Variants in SAG observed in about 807,000 individuals in gnomAD.
SAG encodes S-arrestin.
A neutral mutation model predicts 55.0 loss-of-function variants in SAG; 45 were observed. The ratio of observed to expected loss-of-function variants is 0.82; its 90% confidence interval spans 0.64 to 1.05. The LOEUF (loss-of-function observed/expected upper bound fraction) is 1.05, where lower values mean the gene tolerates loss of function less well. SAG is among the 50% of genes least tolerant of loss of function. SAG has a pLI of 0.00. For missense variants in SAG, 455 were observed against 512.1 expected (o/e 0.89, Z 1.08); for synonymous variants, 189 against 197.4 (o/e 0.96, Z 0.36).
chr2:233,310,041 G>T (rs369877084), intron 2 of SAG, among the ~76,000 whole-genome samples: 2 of 152,204 alleles, frequency 1.3e-5, no homozygotes, highest in African/African-American at 4.8e-5. Context: ...AGCTGGGCCC[G>T]CAGGGCCATT....
At chr2:233,336,689 A>C (rs1316604416) in intron 11 of SAG, among the ~76,000 whole-genome samples, 1 of 152,196 alleles carries the variant, frequency 6.6e-6, no homozygotes, top group Non-Finnish European at 1.5e-5. Context: ...TCCACTCCAC[A>C]GCAAATCTCC....
intron 14 of SAG, chr2:233,345,728 TAAATAAG>T (rs1388245466): frequency 6.7e-6 from 1 of 150,230 alleles, no homozygotes; most frequent in Non-Finnish European, 1.5e-5. Flanking sequence ...CTCAAATAAA[TAAATAAG>T]AAAGGAGAAG....
At chr2:233,346,612 G>A (rs538621676) in intron 15 of SAG, among the ~76,000 whole-genome samples, 195 bp from the exon 16 acceptor site, 5 of 152,288 alleles carry the variant, frequency 3.3e-5, no homozygotes, top group African/African-American at 7.2e-5. Flanking sequence ...CTCACTCTGC[G>A]CGTGCCTTTG....
At chr2:233,314,340 G>A (rs1237858771) in intron 2 of SAG, among the ~76,000 whole-genome samples, 1 of 152,042 alleles carries the variant, frequency 6.6e-6, no homozygotes, top group Non-Finnish European at 1.5e-5. Flanking sequence ...TCAGAACCCC[G>A]AGGCCCTCAG....
In SAG at chr2:233,319,852, G is replaced by T; in HGVS notation, c.182-778G>T. 4.1e-6 allele frequency: 4 copies of T among 985,788 alleles called. No homozygotes were observed. The highest frequency in any genetic ancestry group is 4.8e-6 in the Non-Finnish European group (4 of 829,942). The allele number at this position is 985,788 out of a possible 1,614,324, so 61.1% of individuals were successfully genotyped here. ...CCACTGTTTCTTCTGAGTCAGCAGC[G>T]AAGGGCAGTTACCTTTGGGGCTTGC... On this transcript the variant is annotated intron_variant, in intron 4 of 15. Transcript: ENST00000409110. This position sits in a 1 kb window ranked among gnomAD's most constrained non-coding sequence, Gnocchi z 4.4.
At chr2:233,337,580 G>A (rs934410161) in intron 11 of SAG, among the ~76,000 whole-genome samples, 1 of 152,094 alleles carries the variant, frequency 6.6e-6, no homozygotes, top group African/African-American at 2.4e-5. Flanking sequence ...CCAGTGAGCT[G>A]AAGGAGCTCT....
intron 10 of SAG, 92 bp from the exon 11 acceptor site, chr2:233,334,870 G>T: frequency 6.7e-7 from 1 of 1,492,466 alleles, no homozygotes; most frequent in Non-Finnish European, 9.3e-7. Context: ...CAGGGGATGT[G>T]GATCCTGGAA....
intron 13 of SAG, among the ~76,000 whole-genome samples, chr2:233,341,067 G>A (rs1280748433): frequency 6.6e-6 from 1 of 152,136 alleles, no homozygotes; most frequent in Non-Finnish European, 1.5e-5. Flanking sequence ...TCCTGCCTTG[G>A]CCTCCCAAAG....
intron 8 of SAG, chr2:233,329,245 A>G: frequency 6.6e-6 from 3 of 457,876 alleles, no homozygotes; most frequent in South Asian, 4.5e-5. Flanking sequence ...CTGCCCCCAT[A>G]ACCTCCTGAC....
At chr2:233,315,744 C>T (rs11695333) in intron 2 of SAG, among the ~76,000 whole-genome samples, 2,192 of 151,522 alleles carry the variant, frequency 0.014, 26 homozygotes, top group Non-Finnish European at 0.02. Flanking sequence ...ACTCTGTTGC[C>T]CAGGCTGGAG....
At chr2:233,316,053 C>A in intron 2 of SAG, 22 bp from the exon 3 acceptor site, 20 of 1,516,928 alleles carry the variant, frequency 1.3e-5, no homozygotes, top group Non-Finnish European at 1.7e-5. Flanking sequence ...GGCCCTTAGA[C>A]CCACACCTGT....
At chr2:233,331,797 T>G (rs994473237) in intron 10 of SAG, 85 bp downstream of exon 10, 11 of 965,512 alleles carry the variant, frequency 1.1e-5, no homozygotes, top group Non-Finnish European at 1.8e-5. Context: ...AAGAAGGAAC[T>G]AGAATGTTCA....
At chr2:233,312,710 C>T (rs1296942657) in intron 2 of SAG, among the ~76,000 whole-genome samples, 1 of 152,186 alleles carries the variant, frequency 6.6e-6, no homozygotes, top group Non-Finnish European at 1.5e-5. Context: ...ATTCTCGGGG[C>T]CCCGGGCTTC....
chr2:233,344,540 A>C (rs1701197734), intron 14 of SAG: 1 of 152,206 alleles, frequency 6.6e-6, no homozygotes, highest in Non-Finnish European at 1.5e-5. Context: ...CTTAACAGTG[A>C]ACATATCACA....
intron 7 of SAG, 191 bp downstream of exon 7, chr2:233,327,388 G>T: frequency 1.9e-6 from 1 of 513,270 alleles, no homozygotes. Flanking sequence ...AAAATGACAG[G>T]GAAGTTAGCA....
At position 233,328,633 on chromosome 2, in the gene SAG, A is replaced by G. The variant is rs1700649876; in HGVS notation, c.648+20A>G. The G allele has an allele frequency of 1.3e-6, 2 of 1,597,348 alleles. No homozygotes were observed. The highest frequency in any genetic ancestry group is 1.3e-5 in the African/African-American group (1 of 74,750). On this transcript the variant is annotated intron_variant, in intron 8 of 15. Coordinates refer to ENST00000409110, the MANE Select transcript of SAG (RefSeq NM_000541.5). ...AAAGAGGTAACCACCTACCATCGCTACTACCCGCAGGGCAGCAGGCCTAGG... is the reference window on the plus strand; with the variant it reads ...AAAGAGGTAACCACCTACCATCGCTGCTACCCGCAGGGCAGCAGGCCTAGG...
At chr2:233,339,267 A>G (rs1334811511) in intron 12 of SAG, among the ~76,000 whole-genome samples, 1 of 152,180 alleles carries the variant, frequency 6.6e-6, no homozygotes, top group Non-Finnish European at 1.5e-5. Context: ...TTTCATTTTC[A>G]TGTGAAGCCA....
chr2:233,333,810 G>T (rs1169778303), intron 10 of SAG: 1 of 152,218 alleles, frequency 6.6e-6, no homozygotes, highest in African/African-American at 2.4e-5. Flanking sequence ...CATTAAGAGA[G>T]GTTCCACCAG....
chr2:233,322,831 A>G, intron 5 of SAG, 115 bp from the exon 6 acceptor site: 1 of 714,380 alleles, frequency 1.4e-6, no homozygotes, highest in Non-Finnish European at 2.4e-6. Context: ...GGTGAATGTG[A>G]TTTTTCTTTT....
Sources: allele counts gnomAD v4.1 joint callset (sites outside exome capture counted in the v4.1 genomes callset), GRCh38; gene constraint gnomAD v4.1.1; non-coding constraint Gnocchi (gnomAD v3.1); transcripts MANE v1.5; gene names NCBI Gene and HGNC (gene_info 2026-07-23, HGNC 2026-07-21).